Variants in MTERF4 observed in about 807,000 individuals in gnomAD.
The protein encoded by MTERF4 is transcription termination factor 4, mitochondrial.
Under a neutral mutation model 22.5 loss-of-function variants are expected in MTERF4, and 17 were observed. The ratio of observed to expected loss-of-function variants is 0.75; its 90% confidence interval spans 0.52 to 1.13. The LOEUF is 1.13. MTERF4 is among the 50% of genes most tolerant of loss of function. The pLI is 0.00. For synonymous variants in MTERF4, 165 were observed against 175.3 expected (o/e 0.94, Z 0.47); for missense variants, 420 against 466.8 (o/e 0.90, Z 0.92).
At chr2:241,077,776 A>G (rs147728026) in intron 4 of MTERF4, among the ~76,000 whole-genome samples, 14 of 152,328 alleles carry the variant, frequency 9.2e-5, no homozygotes, top group African/African-American at 3.4e-4. Context: ...CAGCAGGGAA[A>G]TGCACATCAA....
chr2:241,064,427 G>A, the MTERF4 span, among the ~76,000 whole-genome samples: 1 of 152,190 alleles, frequency 6.6e-6, no homozygotes, highest in Non-Finnish European at 1.5e-5. The surrounding 1 kb of genome is among the most constrained non-coding windows in gnomAD (Gnocchi z 7.0). Flanking sequence ...TGCTGCCCTT[G>A]GACAGGCCAA....
At chr2:241,079,336 C>T (rs1369230628) in intron 4 of MTERF4, among the ~76,000 whole-genome samples, 2 of 150,598 alleles carry the variant, frequency 1.3e-5, no homozygotes, top group African/African-American at 4.9e-5. Flanking sequence ...GGCATGAACC[C>T]AGGAGGCGGA....
At chr2:241,090,843 GGCA>G, downstream of MTERF4, among the ~76,000 whole-genome samples, 1 of 151,032 alleles carries the variant, frequency 6.6e-6, no homozygotes. Context: ...CTACAGCTTA[GGCA>G]ACTGAGCAAG....
chr2:241,086,533 C>G (rs143123049), downstream of MTERF4, among the ~76,000 whole-genome samples: 410 of 152,340 alleles, frequency 2.7e-3, no homozygotes, highest in African/African-American at 9.4e-3. Context: ...TTTCTCCTCT[C>G]TCAGGGATTA....
chr2:241,059,212 T>C, the MTERF4 span, among the ~76,000 whole-genome samples: 2 of 152,148 alleles, frequency 1.3e-5, no homozygotes, highest in Non-Finnish European at 2.9e-5. Context: ...ATAGAAAACA[T>C]ATACAGCCTT....
At chr2:241,052,190 CA>C in the MTERF4 span, 1 of 1,575,250 alleles carries the variant, frequency 6.3e-7, no homozygotes, top group Non-Finnish European at 8.7e-7. Context: ...CCAGGGCGGC[CA>C]GGGGTGAACC....
the MTERF4 span, among the ~76,000 whole-genome samples, chr2:241,054,607 G>A: frequency 8.5e-3 from 1,296 of 152,270 alleles, 80 homozygotes; most frequent in South Asian, 0.12. Context: ...TAAAATAACC[G>A]TGACAAATTT....
chr2:241,090,279 C>T (rs1559323145), downstream of MTERF4: 2 of 1,543,496 alleles, frequency 1.3e-6, no homozygotes, highest in African/African-American at 1.4e-5. Flanking sequence ...TATGCCTACA[C>T]AGGGGCAGGA....
At chr2:241,063,597 G>A in the MTERF4 span, 1 of 1,607,718 alleles carries the variant, frequency 6.2e-7, no homozygotes, top group Non-Finnish European at 8.5e-7. Context: ...AGAGGGATGA[G>A]TGCCGAGCTC....
chr2:241,067,321 T>G (rs7559967), downstream of MTERF4, among the ~76,000 whole-genome samples: 1 of 152,106 alleles, frequency 6.6e-6, no homozygotes, highest in African/African-American at 2.4e-5. Flanking sequence ...TCCCTGCAGT[T>G]GCTGGGAGTT....
chr2:241,087,690 C>G, downstream of MTERF4: 1 of 1,368,944 alleles, frequency 7.3e-7, no homozygotes, highest in Non-Finnish European at 9.4e-7. Flanking sequence ...GCCGGGCATG[C>G]TGGGTGCTGG....
chr2:241,082,919 G>A (rs918070589), downstream of MTERF4, among the ~76,000 whole-genome samples: 49 of 151,650 alleles, frequency 3.2e-4, no homozygotes, highest in Admixed American at 2.4e-3. Context: ...GCTGTGTGCC[G>A]GGCACTGTCC....
chr2:241,081,416 TTTTG>T (rs1445712385), intron 4 of MTERF4, among the ~76,000 whole-genome samples: 3 of 152,140 alleles, frequency 2.0e-5, no homozygotes, highest in East Asian at 1.9e-4. Flanking sequence ...TCCTCCTTGT[TTTTG>T]TTTGTCTTCC....
At chr2:241,057,380 A>AATATATATATATATATAT in the MTERF4 span, among the ~76,000 whole-genome samples, 335 of 118,008 alleles carry the variant, frequency 2.8e-3, 1 homozygote, top group African/African-American at 6.5e-3. Context: ...TCCATCTCAA[A>AATATATATATATATATAT]ATATATATAT....
At chr2:241,086,711 C>T (rs1366574721), downstream of MTERF4, among the ~76,000 whole-genome samples, 1 of 152,210 alleles carries the variant, frequency 6.6e-6, no homozygotes, top group Non-Finnish European at 1.5e-5. Flanking sequence ...TTCTATGAGA[C>T]TTAGCATATG....
chr2:241,062,656 C>A, the MTERF4 span: 1 of 709,892 alleles, frequency 1.4e-6, no homozygotes, highest in Non-Finnish European at 2.5e-6. Flanking sequence ...GGATATCCAG[C>A]CCTGGTCTCT....
downstream of MTERF4, among the ~76,000 whole-genome samples, chr2:241,068,127 G>A (rs992716798): frequency 3.3e-5 from 5 of 152,124 alleles, no homozygotes; most frequent in African/African-American, 7.2e-5. The surrounding 1 kb of genome is among the most constrained non-coding windows in gnomAD (Gnocchi z 5.3). Context: ...CTTCACTCCC[G>A]CCTCACCTCA....
chr2:241,090,762 G>A (rs2063906172), downstream of MTERF4, among the ~76,000 whole-genome samples: 3 of 151,944 alleles, frequency 2.0e-5, no homozygotes, highest in Admixed American at 6.6e-5. Context: ...AGCTACTGAA[G>A]AGGCTGAGTC....
In MTERF4 at chr2:241,096,016, GTCC is replaced by G; in HGVS notation, c.1125_1127del (p.Glu375del). The G allele has an allele frequency of 6.2e-7, 1 of 1,613,670 alleles. No homozygotes were observed. The highest frequency in any genetic ancestry group is 1.1e-5 in the South Asian group (1 of 91,066). ...ATCACAGCTATTCCTCCTCGTCGTC[GTCC>G]TCATCCTCATCATTGTCCTCCGCCT... On this transcript the variant is annotated inframe_deletion, in exon 4 of 4. Transcript: ENST00000391980. This position sits in a 1 kb window ranked among gnomAD's most constrained non-coding sequence, Gnocchi z 5.1.
Sources: gnomAD v4.1 joint callset for allele counts (sites outside exome capture counted in the v4.1 genomes callset) on GRCh38, gnomAD v4.1.1 for gene constraint, Gnocchi (gnomAD v3.1) non-coding constraint, MANE v1.5 for transcripts, NCBI Gene and HGNC (gene_info 2026-07-23, HGNC 2026-07-21) for gene names.